The following CTNNAL1 variants were observed in gnomAD, a reference collection of about 807,000 sequenced individuals.
CTNNAL1 encodes alpha-catulin.
Under a neutral mutation model 93.6 loss-of-function variants are expected in CTNNAL1, and 69 were observed. The ratio of observed to expected loss-of-function variants is 0.74; its 90% CI spans 0.61 to 0.90. The LOEUF (loss-of-function observed/expected upper bound fraction) is 0.90, where lower values mean the gene tolerates loss of function less well. CTNNAL1 is among the 40% of genes least tolerant of loss of function. The pLI, the probability that CTNNAL1 is intolerant of heterozygous loss-of-function variation, is 0.00. For synonymous variants in CTNNAL1, 286 were observed against 305.4 expected (o/e 0.94, Z 0.66); for missense variants, 836 against 862.0 (o/e 0.97, Z 0.38).
At position 108,978,165 on chromosome 9, in the gene CTNNAL1, C is replaced by T. The variant is rs374553462; in HGVS notation, c.1101+1116G>A. Reference sequence around the variant, plus strand: ...GCAACTCTTTATAGTGAGTGTTGGACTTAAAACTGAACACTGAAGCAATCT... The same window carrying T: ...GCAACTCTTTATAGTGAGTGTTGGATTTAAAACTGAACACTGAAGCAATCT... On this transcript the variant is annotated intron_variant, in intron 7 of 18. Coordinates refer to ENST00000325551, the MANE Select transcript of CTNNAL1 (RefSeq NM_003798.4). 4.2e-4 allele frequency among the ~76,000 whole-genome samples: 64 copies of T among 151,278 alleles called. No individual in the cohort carries two copies. In the South Asian group the frequency reaches 0.013, roughly 31 times the overall value.
chr9:108,970,305 CTAGT>C, intron 10 of CTNNAL1, 93 bp downstream of exon 10: 1 of 1,044,362 alleles, frequency 9.6e-7, no homozygotes, highest in Non-Finnish European at 1.3e-6. Flanking sequence ...TATTTGGACT[CTAGT>C]TATGAAAAAC....
At position 109,013,415 on chromosome 9, in the gene CTNNAL1, C is replaced by T. The variant is rs1255079187; in HGVS notation, c.28G>A (p.Val10Ile). 2.0e-6 allele frequency: 3 copies of T among 1,486,668 alleles called. No homozygotes were observed. Among genetic ancestry groups the T allele is most frequent in the Non-Finnish European group, 2.7e-6 (3 of 1,116,950 alleles). 92.1% of individuals were successfully genotyped at this position (1,486,668 alleles called of 1,614,324 possible). A position where few individuals can be genotyped will look rare whatever the true frequency, so the allele number is the denominator to read the frequency against. The change falls in exon 1 of 19, where the codon GTT becomes ATT. Residue 10 changes from valine (V) to isoleucine (I), a missense_variant. Transcript: ENST00000325551. ...CCGTAGACTGCTCCGGCGCCGCCAA[C>T]GCCGGCGGGTCCGGGAGAGGCGGCC... MAASPGPAGVGGAGAVYGSG... is the reference protein window; with the variant it reads MAASPGPAGIGGAGAVYGSG...
intron 11 of CTNNAL1, among the ~76,000 whole-genome samples, chr9:108,960,717 T>A (rs1189192612): frequency 2.0e-5 from 3 of 152,162 alleles, no homozygotes; most frequent in Non-Finnish European, 4.4e-5. Context: ...AGCTCTGAGA[T>A]AAGGCTTTTT....
intron 6 of CTNNAL1, among the ~76,000 whole-genome samples, chr9:108,981,798 G>A (rs1048570307): frequency 2.0e-5 from 3 of 152,142 alleles, no homozygotes; most frequent in African/African-American, 7.2e-5. Context: ...GGTGGTGGGT[G>A]CCTGTAATCC....
intron 17 of CTNNAL1, among the ~76,000 whole-genome samples, chr9:108,943,475 G>A (rs1830306652): frequency 6.6e-6 from 1 of 152,184 alleles, no homozygotes; most frequent in South Asian, 2.1e-4. Context: ...TTGAAGGGCA[G>A]CTGTTCAGTG....
At chr9:108,989,883 C>G (rs2132170956) in intron 4 of CTNNAL1, among the ~76,000 whole-genome samples, 1 of 152,148 alleles carries the variant, frequency 6.6e-6, no homozygotes, top group Admixed American at 6.5e-5. Flanking sequence ...AACCCTGTCT[C>G]TACTAAAAAT....
At chr9:108,997,518 A>G (rs1188377560) in intron 2 of CTNNAL1, among the ~76,000 whole-genome samples, 8 of 152,220 alleles carry the variant, frequency 5.3e-5, no homozygotes, top group African/African-American at 1.9e-4. Context: ...AAATTTCTCA[A>G]TGACTCCTAG....
chr9:108,955,724 G>T, intron 12 of CTNNAL1, 66 bp downstream of exon 12: 1 of 1,361,258 alleles, frequency 7.3e-7, no homozygotes, highest in Non-Finnish European at 1.0e-6. Context: ...GCAGCAACAG[G>T]CAACAAGAGC....
chr9:108,968,614 G>A (rs1831023402), intron 10 of CTNNAL1, among the ~76,000 whole-genome samples: 1 of 152,186 alleles, frequency 6.6e-6, no homozygotes, highest in African/African-American at 2.4e-5. Flanking sequence ...AGATCCCTTG[G>A]TTGTAATAAA....
intron 11 of CTNNAL1, among the ~76,000 whole-genome samples, chr9:108,965,114 G>C (rs1451595611): frequency 6.6e-6 from 1 of 152,060 alleles, no homozygotes; most frequent in Non-Finnish European, 1.5e-5. Flanking sequence ...ACCTGCCTTG[G>C]CCTCCCAAAG....
intron 10 of CTNNAL1, among the ~76,000 whole-genome samples, chr9:108,967,899 T>A (rs1037356125): frequency 6.6e-6 from 1 of 152,226 alleles, no homozygotes. Context: ...CCATGTTAGC[T>A]AATATATTAA....
At chr9:108,975,303 G>A (rs1352788974) in intron 8 of CTNNAL1, among the ~76,000 whole-genome samples, 1 of 148,850 alleles carries the variant, frequency 6.7e-6, no homozygotes, top group Admixed American at 6.7e-5. Context: ...AAAGCGCAGG[G>A]AGCAACAGGA....
intron 11 of CTNNAL1, among the ~76,000 whole-genome samples, chr9:108,956,977 A>G (rs904670752): frequency 2.0e-5 from 3 of 151,658 alleles, no homozygotes; most frequent in Non-Finnish European, 4.4e-5. Flanking sequence ...GAGAAAAAAT[A>G]TATAAAATAT....
At chr9:108,990,618 G>T in intron 4 of CTNNAL1, 108 bp downstream of exon 4, 2 of 1,359,012 alleles carry the variant, frequency 1.5e-6, no homozygotes, top group South Asian at 1.5e-5. Flanking sequence ...CAAGGCTATA[G>T]ACTTAATAAG....
At chr9:108,983,358 G>A (rs775344544) in intron 5 of CTNNAL1, 43 bp from the exon 6 acceptor site, 21 of 1,382,898 alleles carry the variant, frequency 1.5e-5, no homozygotes, top group Non-Finnish European at 3.8e-6. Flanking sequence ...TTTGATTTAT[G>A]TCATAATGCA....
At chr9:108,958,346 T>C (rs1376485572) in intron 11 of CTNNAL1, among the ~76,000 whole-genome samples, 2 of 152,312 alleles carry the variant, frequency 1.3e-5, no homozygotes, top group African/African-American at 2.4e-5. Flanking sequence ...AATAAATGCA[T>C]TGAGAAATAA....
chr9:108,983,433 C>G (rs1004877988), intron 5 of CTNNAL1, 118 bp from the exon 6 acceptor site: 7 of 1,156,026 alleles, frequency 6.1e-6, no homozygotes, highest in African/African-American at 4.8e-5. Context: ...CTCCTGGGTC[C>G]CTGGCTCACT....
At chr9:108,979,164 C>T in intron 7 of CTNNAL1, 117 bp downstream of exon 7, 1 of 1,271,496 alleles carries the variant, frequency 7.9e-7, no homozygotes. Context: ...ATGAGATATC[C>T]TGTCCCATTC....
chr9:108,974,573 C>A (rs1831206695), intron 8 of CTNNAL1, among the ~76,000 whole-genome samples: 1 of 152,204 alleles, frequency 6.6e-6, no homozygotes, highest in South Asian at 2.1e-4. Context: ...ATGGCTTACA[C>A]CTGTAATCCC....
Sources: gnomAD v4.1 joint callset for allele counts (sites outside exome capture counted in the v4.1 genomes callset) on GRCh38, gnomAD v4.1.1 for gene constraint, MANE v1.5 for transcripts, NCBI Gene and HGNC (gene_info 2026-07-23, HGNC 2026-07-21) for gene names.